The following RFX3 variants were observed in gnomAD, a reference collection of about 807,000 sequenced individuals.
The protein encoded by RFX3 is transcription factor RFX3.
In RFX3, 14 loss-of-function variants were observed where a neutral mutation model predicts 98.6. The observed-to-expected ratio is 0.14, with a 90% confidence interval of 0.09 to 0.22. The LOEUF (loss-of-function observed/expected upper bound fraction) is 0.22. RFX3 is among the 10% of genes least tolerant of loss of function. The pLI, the probability that RFX3 is intolerant of heterozygous loss-of-function variation, is 1.00. For synonymous variants in RFX3, 383 were observed against 328.4 expected (o/e 1.17, Z -1.80); for missense variants, 639 against 926.9 (o/e 0.69, Z 4.03).
intron 2 of RFX3, among the ~76,000 whole-genome samples, chr9:3,363,929 G>A (rs1836758930): frequency 6.6e-6 from 1 of 152,254 alleles, no homozygotes; most frequent in Non-Finnish European, 1.5e-5. Context: ...AGGCTGGAGT[G>A]TAGTGGCACG....
chr9:3,488,535 A>G (rs1481671055), intron 1 of RFX3, among the ~76,000 whole-genome samples: 1 of 152,184 alleles, frequency 6.6e-6, no homozygotes, highest in African/African-American at 2.4e-5. Flanking sequence ...TAAAACTGTA[A>G]TTATTTCCTA....
chr9:3,429,407 T>A (rs1036743437), intron 1 of RFX3, among the ~76,000 whole-genome samples: 2 of 149,348 alleles, frequency 1.3e-5, no homozygotes, highest in South Asian at 4.2e-4. Flanking sequence ...CAATACTATA[T>A]ATATAATATA....
At chr9:3,281,332 T>A (rs1018143585) in intron 7 of RFX3, among the ~76,000 whole-genome samples, 1 of 151,456 alleles carries the variant, frequency 6.6e-6, no homozygotes, top group African/African-American at 2.4e-5. Context: ...AATAATAAAT[T>A]TTAAAAAACA....
At chr9:3,278,682 AT>A (rs1825547266) in intron 7 of RFX3, among the ~76,000 whole-genome samples, 2 of 151,926 alleles carry the variant, frequency 1.3e-5, no homozygotes, top group Admixed American at 1.3e-4. Context: ...GCCTTAGGAA[AT>A]GAATCAATCT....
chr9:3,251,764 T>C (rs1239389781), intron 14 of RFX3, among the ~76,000 whole-genome samples: 1 of 152,200 alleles, frequency 6.6e-6, no homozygotes, highest in African/African-American at 2.4e-5. Flanking sequence ...TAATAAATCT[T>C]TTCAGGAATA....
intron 9 of RFX3, among the ~76,000 whole-genome samples, chr9:3,271,914 C>T (rs658123): frequency 0.8 from 121,385 of 151,976 alleles, 49,809 homozygotes; most frequent in East Asian, 0.9. Context: ...TCCAATCCTA[C>T]CTCTGCATAC....
chr9:3,504,114 TCTCTCC>T (rs1216657937), intron 1 of RFX3, among the ~76,000 whole-genome samples: 3 of 143,966 alleles, frequency 2.1e-5, no homozygotes, highest in Non-Finnish European at 4.5e-5. Flanking sequence ...TCTCTCTCTC[TCTCTCC>T]CTCTCTCTTT....
chr9:3,490,727 CT>C (rs1288723923), intron 1 of RFX3, among the ~76,000 whole-genome samples: 1 of 152,082 alleles, frequency 6.6e-6, no homozygotes, highest in East Asian at 1.9e-4. Context: ...GAAAATCACC[CT>C]GCTAATTTCT....
chr9:3,271,238 T>C, intron 9 of RFX3, 120 bp from the exon 10 acceptor site: 1 of 685,320 alleles, frequency 1.5e-6, no homozygotes. Flanking sequence ...TAAGTTAACA[T>C]GGTGAAACTA....
chr9:3,415,515 G>T (rs1420350449), intron 1 of RFX3, among the ~76,000 whole-genome samples: 1 of 152,026 alleles, frequency 6.6e-6, no homozygotes, highest in South Asian at 2.1e-4. Context: ...TTCCATTACT[G>T]AAGGCAGGTT....
At chr9:3,238,533 A>G (rs767218378) in intron 15 of RFX3, among the ~76,000 whole-genome samples, 6 of 152,222 alleles carry the variant, frequency 3.9e-5, no homozygotes, top group Non-Finnish European at 5.9e-5. Flanking sequence ...TCTGTTCTTC[A>G]AAGAAGTCAA....
chr9:3,242,687 C>T (rs1820120201), intron 15 of RFX3, among the ~76,000 whole-genome samples: 1 of 151,994 alleles, frequency 6.6e-6, no homozygotes, highest in South Asian at 2.1e-4. Context: ...TCTTCAGTTT[C>T]TAGGTTTTGA....
At chr9:3,366,746 CTTT>C (rs2131486624) in intron 2 of RFX3, among the ~76,000 whole-genome samples, 1 of 83,612 alleles carries the variant, frequency 1.2e-5, no homozygotes, top group Admixed American at 1.3e-4. Flanking sequence ...TTCTTTCTTT[CTTT>C]CTTTTTGGCT....
intron 4 of RFX3, among the ~76,000 whole-genome samples, chr9:3,305,123 C>A (rs1406410362): frequency 6.6e-6 from 1 of 151,862 alleles, no homozygotes; most frequent in East Asian, 1.9e-4. Context: ...TTAATAGAGC[C>A]AGGAGGCAAG....
intron 2 of RFX3, among the ~76,000 whole-genome samples, chr9:3,369,652 G>T (rs541316236): frequency 1.3e-5 from 2 of 152,274 alleles, no homozygotes; most frequent in East Asian, 3.9e-4. Context: ...AGCTTTGTAA[G>T]CACTGACAAC....
At chr9:3,391,676 G>A (rs1840326074) in intron 2 of RFX3, among the ~76,000 whole-genome samples, 2 of 152,136 alleles carry the variant, frequency 1.3e-5, no homozygotes, top group African/African-American at 4.8e-5. Flanking sequence ...TGGGGGTGGT[G>A]AGGGTGTGTA....
intron 4 of RFX3, among the ~76,000 whole-genome samples, chr9:3,313,434 G>A (rs1243571332): frequency 1.3e-5 from 2 of 152,214 alleles, no homozygotes; most frequent in African/African-American, 4.8e-5. Context: ...CAGAAAAGCT[G>A]AAAATTCTAA....
intron 4 of RFX3, among the ~76,000 whole-genome samples, chr9:3,317,937 G>C (rs1319679666): frequency 6.6e-6 from 1 of 152,204 alleles, no homozygotes; most frequent in Non-Finnish European, 1.5e-5. Context: ...CTGTAAGCTA[G>C]TTTAACCATT....
In RFX3 at chr9:3,297,960, C is replaced by A. The variant is rs548983933; in HGVS notation, c.549+3586G>T. On this transcript the variant is annotated intron_variant, in intron 5 of 16. Coordinates refer to ENST00000617270, the MANE Select transcript of RFX3 (RefSeq NM_001282116.2). Reference sequence around the variant, plus strand: ...ACACCACAACCATTAAATACTAATTCATATTAATTAACACCAAGAAAAAGT... The same window carrying A: ...ACACCACAACCATTAAATACTAATTAATATTAATTAACACCAAGAAAAAGT... 1.5e-3 allele frequency among the ~76,000 whole-genome samples: 226 copies of A among 151,834 alleles called. 1 individual carries two copies. The highest frequency in any genetic ancestry group is 5.0e-3 in the African/African-American group (209 of 41,472).
Sources: allele counts gnomAD v4.1 joint callset (sites outside exome capture counted in the v4.1 genomes callset), GRCh38; gene constraint gnomAD v4.1.1; transcripts MANE v1.5; gene names NCBI Gene and HGNC (gene_info 2026-07-23, HGNC 2026-07-21).